The following CFAP251 variants were observed in gnomAD, a reference collection of about 807,000 sequenced individuals.
CFAP251 encodes cilia and flagella associated protein 251, also known as cilia- and flagella-associated protein 251.
CFAP251 carries 93 observed loss-of-function variants against 126.7 expected under a neutral mutation model. That is an observed-to-expected ratio of 0.73 (90% CI 0.62 to 0.87). CFAP251 has a LOEUF of 0.87. Ranked by LOEUF, CFAP251 falls within the 40% of genes least tolerant of loss-of-function variation. The pLI is 0.00. For synonymous variants in CFAP251, 503 were observed against 506.9 expected, an observed-to-expected ratio of 0.99 and a Z score of 0.10; for missense variants, 1,287 against 1,389.2, an observed-to-expected ratio of 0.93 and a Z score of 1.17.
intron 15 of CFAP251, 70 bp from the exon 16 acceptor site, chr12:121,966,885 G>C (rs773023440): frequency 3.3e-4 from 489 of 1,492,192 alleles, no homozygotes; most frequent in Non-Finnish European, 4.2e-4. Flanking sequence ...CGCCTGGCCC[G>C]ACCAAAGAAT....
chr12:121,941,335 T>TTTTC (rs1455578669), intron 5 of CFAP251, among the ~76,000 whole-genome samples: 1 of 147,184 alleles, frequency 6.8e-6, no homozygotes, highest in African/African-American at 2.5e-5. Context: ...CTGGCCTTTT[T>TTTTC]TTTTTTTTTT....
At chr12:121,981,528 C>T (rs1202509467) in intron 19 of CFAP251, among the ~76,000 whole-genome samples, 3 of 152,176 alleles carry the variant, frequency 2.0e-5, no homozygotes, top group Non-Finnish European at 2.9e-5. Context: ...GACCTGCTCC[C>T]GCCCCATGGG....
At position 121,968,096 on chromosome 12, in the gene CFAP251, T is replaced by G. The variant is rs1486666226; in HGVS notation, c.2698T>G (p.Ser900Ala). 1 of 1,613,658 alleles carries G rather than the reference T, an allele frequency of 6.2e-7. No homozygotes were observed. The highest frequency in any genetic ancestry group is 8.5e-7 in the Non-Finnish European group (1 of 1,179,732). The change falls in exon 17 of 22, where the codon TCC (serine) becomes GCC (alanine). Residue 900 changes from serine to alanine, a missense_variant. Transcript: ENST00000288912. ...GAACGGGGTGGCCGGCATGGCCGTT[T>G]CCTATGATGGCTGCTACGCCTTCAC... ...HPNGVAGMAV[S>A]YDGCYAFTAG...
At chr12:121,958,626 C>G in intron 12 of CFAP251, 104 bp downstream of exon 12, 2 of 1,535,058 alleles carry the variant, frequency 1.3e-6, no homozygotes, top group Non-Finnish European at 1.8e-6. Flanking sequence ...CCGACTCCAG[C>G]CCCCAGCAGG....
At chr12:121,931,270 A>T (rs1880673406) in intron 3 of CFAP251, among the ~76,000 whole-genome samples, 1 of 151,084 alleles carries the variant, frequency 6.6e-6, no homozygotes, top group Middle Eastern at 3.4e-3. Context: ...CATAAAATTC[A>T]CCCTTTAAAT....
Position 121,954,281 on chromosome 12 carries a change from T to TA in CFAP251, c.1485dup (p.Leu496IlefsTer16). 1 of 1,614,174 alleles carries TA rather than the reference T, an allele frequency of 6.2e-7. No individual in the cohort carries two copies. The highest frequency in any genetic ancestry group is 8.5e-7 in the Non-Finnish European group (1 of 1,180,026). Reference sequence around the variant, plus strand: ...TGGGCTTTCCCTATATCAAGCCTTGTAAATTGGTTCATTTGCAGAAAGAGG... The same window carrying TA: ...TGGGCTTTCCCTATATCAAGCCTTGTAAAATTGGTTCATTTGCAGAAAGAGG... On this transcript the variant is annotated frameshift_variant, in exon 10 of 22. Coordinates refer to ENST00000288912, the MANE Select transcript of CFAP251 (RefSeq NM_144668.6). LOFTEE classifies it high-confidence loss of function.
At chr12:121,975,208 C>A in intron 17 of CFAP251, 36 bp from the exon 18 acceptor site, 1 of 1,585,628 alleles carries the variant, frequency 6.3e-7, no homozygotes, top group Non-Finnish European at 8.7e-7. Context: ...CATGCTTGAG[C>A]GCTTTCTAAT....
chr12:121,942,867 A>G (rs746460895), intron 6 of CFAP251, 28 bp from the exon 7 acceptor site: 1 of 1,612,772 alleles, frequency 6.2e-7, no homozygotes, highest in Non-Finnish European at 8.5e-7. Context: ...AGACCTTCTC[A>G]TGCCCCTCTC....
At chr12:121,983,656 C>T (rs1269628738) in intron 19 of CFAP251, among the ~76,000 whole-genome samples, 1 of 152,004 alleles carries the variant, frequency 6.6e-6, no homozygotes, top group African/African-American at 2.4e-5. Flanking sequence ...CGGCTGACCC[C>T]ACCACTTCCC....
chr12:121,970,026 A>G (rs997212213), intron 17 of CFAP251: 8 of 922,496 alleles, frequency 8.7e-6, no homozygotes, highest in Admixed American at 6.2e-5. Flanking sequence ...AATGTAAAAA[A>G]CCTAAACAAG....
intron 19 of CFAP251, among the ~76,000 whole-genome samples, chr12:121,984,153 A>G (rs1028914493): frequency 1.3e-5 from 2 of 152,200 alleles, no homozygotes; most frequent in African/African-American, 4.8e-5. Flanking sequence ...GAAGCTAGTT[A>G]GTGTGGTACA....
intron 3 of CFAP251, among the ~76,000 whole-genome samples, 197 bp downstream of exon 3, chr12:121,924,187 G>A (rs1880309338): frequency 6.6e-6 from 1 of 151,968 alleles, no homozygotes; most frequent in African/African-American, 2.4e-5. Flanking sequence ...TTGGCTCACT[G>A]CAGCCTCCAC....
Position 121,954,351 on chromosome 12 carries a change from T to C in CFAP251, c.1535+17T>C, listed in dbSNP as rs755084580. 6.3e-7 allele frequency: 1 copy of C among 1,589,184 alleles called. No homozygotes were observed. The highest frequency in any genetic ancestry group is 2.2e-5 in the East Asian group (1 of 44,642). On this transcript the variant is annotated intron_variant, in intron 10 of 21. Coordinates refer to ENST00000288912, the MANE Select transcript of CFAP251 (RefSeq NM_144668.6). ...AATTGATAGGTAATTTTAACTTAATTAAAAGATAACTATGGATAATTATAA... is the reference window on the plus strand; with the variant it reads ...AATTGATAGGTAATTTTAACTTAATCAAAAGATAACTATGGATAATTATAA...
Position 121,949,286 on chromosome 12 carries a change from A to G in CFAP251, c.1269+225A>G, listed in dbSNP as rs1881435468. 1.5e-5 allele frequency: 4 copies of G among 259,822 alleles called. No homozygotes were observed. The South Asian group carries it at 5.1e-4, about 33-fold the overall frequency. The allele number at this position is 259,822 out of a possible 1,614,324, so 16.1% of individuals were successfully genotyped here. A position where few individuals can be genotyped will look rare whatever the true frequency, so the allele number is the denominator to read the frequency against. On this transcript the variant is annotated intron_variant, in intron 8 of 21. Coordinates refer to ENST00000288912, the MANE Select transcript of CFAP251 (RefSeq NM_144668.6). ...TTATTTATTAAATTTTATTGAAGTAATGAGGCAAATGTTTATTTGAATTTA... is the reference window on the plus strand; with the variant it reads ...TTATTTATTAAATTTTATTGAAGTAGTGAGGCAAATGTTTATTTGAATTTA...
intron 3 of CFAP251, among the ~76,000 whole-genome samples, chr12:121,930,205 T>C (rs549490797): frequency 6.6e-6 from 1 of 152,280 alleles, no homozygotes; most frequent in South Asian, 2.1e-4. Context: ...AAAAATACTT[T>C]GAGCTGGGCG....
intron 19 of CFAP251, among the ~76,000 whole-genome samples, chr12:121,991,578 G>A (rs1169076): frequency 0.58 from 88,323 of 152,094 alleles, 30,196 homozygotes; most frequent in Non-Finnish European, 0.77. Context: ...AAGACCTCCC[G>A]GTCATTGTGA....
Position 121,957,074 on chromosome 12 carries a change from C to T in CFAP251, c.1536C>T (p.Ser512=). 1 of 1,579,632 alleles carries T rather than the reference C, an allele frequency of 6.3e-7. No individual in the cohort carries two copies. The highest frequency in any genetic ancestry group is 8.6e-7 in the Non-Finnish European group (1 of 1,163,568). Residue 512 remains serine (S), a splice_region_variant and synonymous_variant, in exon 11 of 22, where the codon AGC becomes AGT. Coordinates refer to ENST00000288912, the MANE Select transcript of CFAP251 (RefSeq NM_144668.6). The part of the protein sequence containing the change: ...EGITVLTTID[S]YIVTGDIKGN... The stretch of plus-strand genomic sequence containing the variant: ...AAACTGATGTTATTCTCCATTTCAG[C>T]TACATTGTCACAGGTGACATTAAGG...
intron 15 of CFAP251, among the ~76,000 whole-genome samples, chr12:121,965,282 A>G (rs1482819306): frequency 6.6e-6 from 1 of 152,344 alleles, no homozygotes; most frequent in African/African-American, 2.4e-5. Flanking sequence ...AAAATGATTG[A>G]TAGTGCTTAG....
At chr12:121,955,041 G>T (rs113493640) in intron 10 of CFAP251, among the ~76,000 whole-genome samples, 11 of 152,222 alleles carry the variant, frequency 7.2e-5, no homozygotes, top group Non-Finnish European at 1.5e-4. Context: ...GGTGGCTCAC[G>T]CCTGTAATCC....
Sources: allele counts gnomAD v4.1 joint callset (sites outside exome capture counted in the v4.1 genomes callset), GRCh38; gene constraint gnomAD v4.1.1; transcripts MANE v1.5; gene names NCBI Gene and HGNC (gene_info 2026-07-23, HGNC 2026-07-21).